HTR2C: variants seen among roughly 807,000 people sequenced by gnomAD.
HTR2C encodes 5-hydroxytryptamine receptor 2C.
Under a neutral mutation model 21.0 loss-of-function variants are expected in HTR2C, and 5 were observed. The observed-to-expected ratio is 0.24, with a 90% CI of 0.12 to 0.50. The LOEUF is 0.50. Ranked by LOEUF, HTR2C falls within the 20% of genes least tolerant of loss-of-function variation. The pLI, the probability that HTR2C is intolerant of heterozygous loss-of-function variation, is 0.98. For missense variants in HTR2C, 271 were observed against 371.2 expected, an observed-to-expected ratio of 0.73 and a Z score of 2.22; for synonymous variants, 150 against 145.3, an observed-to-expected ratio of 1.03 and a Z score of -0.23.
At chrX:114,768,476 A>G (rs1399632708) in intron 4 of HTR2C, among the ~76,000 whole-genome samples, 1 of 111,181 alleles carries the variant, frequency 9.0e-6, no homozygotes, top group African/African-American at 3.2e-5. Context: ...ACGTGTACCA[A>G]AACAAATGTT....
intron 2 of HTR2C, among the ~76,000 whole-genome samples, chrX:114,687,482 C>G (rs1344531155): frequency 9.0e-6 from 1 of 111,334 alleles, no homozygotes; most frequent in Non-Finnish European, 1.9e-5. Context: ...ATTTGTAATT[C>G]TTTTATCAAA....
chrX:114,672,039 G>A (rs1306946846), intron 2 of HTR2C, among the ~76,000 whole-genome samples: 1 of 111,264 alleles, frequency 9.0e-6, no homozygotes, highest in East Asian at 2.8e-4. Context: ...ATATTAATAT[G>A]TATCAGAAAC....
intron 4 of HTR2C, among the ~76,000 whole-genome samples, chrX:114,785,084 C>T: frequency 8.9e-6 from 1 of 112,159 alleles, no homozygotes; most frequent in Non-Finnish European, 1.9e-5. Context: ...CAACTGAGAA[C>T]ACTGACTTAA....
intron 4 of HTR2C, among the ~76,000 whole-genome samples, chrX:114,798,131 G>A (rs1251011575): frequency 9.0e-6 from 1 of 111,225 alleles, no homozygotes; most frequent in African/African-American, 3.3e-5. Flanking sequence ...TAATTAGGAA[G>A]ACAATTACTA....
chrX:114,663,789 A>G (rs190626438), intron 2 of HTR2C, among the ~76,000 whole-genome samples: 11 of 111,592 alleles, frequency 9.9e-5, no homozygotes, highest in African/African-American at 3.3e-4. Context: ...AACTGAAAGT[A>G]TAGGTAGGAT....
chrX:114,776,713 GA>G, intron 4 of HTR2C: 2 of 451,298 alleles, frequency 4.4e-6, no homozygotes, highest in Admixed American at 2.5e-5. Flanking sequence ...TTCCATGCTG[GA>G]AAACACCCAC....
chrX:114,794,650 C>T (rs1225140857), intron 4 of HTR2C, among the ~76,000 whole-genome samples: 2 of 106,222 alleles, frequency 1.9e-5, no homozygotes, highest in Non-Finnish European at 3.9e-5. Context: ...CCTTGCAATA[C>T]TTTGCTCAGA....
chrX:114,682,136 GA>G (rs1245946795), intron 2 of HTR2C, among the ~76,000 whole-genome samples: 1 of 111,000 alleles, frequency 9.0e-6, no homozygotes, highest in Non-Finnish European at 1.9e-5. Context: ...TGCATTCAGA[GA>G]AAAGGATTTA....
chrX:114,887,055 G>A lies in HTR2C; in HGVS notation c.551-19534G>A, dbSNP rs1255562576. Among the ~76,000 whole-genome samples the A allele has an allele frequency of 3.6e-5, 4 of 112,078 alleles. No individual in the cohort carries two copies. The Admixed American group carries it at 3.8e-4, about 11-fold the overall frequency. ...ATATGCATGCCATAGTAAAAAATGTGCATATTTAATTAGATGAACAAAGAC... is the reference window on the plus strand; with the variant it reads ...ATATGCATGCCATAGTAAAAAATGTACATATTTAATTAGATGAACAAAGAC... On this transcript the variant is annotated intron_variant, in intron 5 of 5. Transcript: ENST00000276198.
intron 4 of HTR2C, among the ~76,000 whole-genome samples, chrX:114,834,591 A>G (rs1602856926): frequency 9.4e-6 from 1 of 106,718 alleles, no homozygotes; most frequent in Non-Finnish European, 1.9e-5. Flanking sequence ...TTTTGAGCCT[A>G]TGTGTGTCTC....
chrX:114,850,740 C>T (rs943124437), intron 5 of HTR2C, among the ~76,000 whole-genome samples: 4 of 110,782 alleles, frequency 3.6e-5, no homozygotes, highest in East Asian at 2.8e-4. Context: ...AAATATAAAA[C>T]GTATACTGAA....
chrX:114,848,667 C>T (rs1290754239), intron 5 of HTR2C, among the ~76,000 whole-genome samples: 1 of 111,021 alleles, frequency 9.0e-6, no homozygotes, highest in Non-Finnish European at 1.9e-5. Context: ...CAATCTAAAT[C>T]ATCATCAAGT....
rs781856854 is a variant in HTR2C, at chrX:114,619,539, C to A, written c.-80+5658C>A. The stretch of plus-strand genomic sequence containing the variant: ...TCCTTGAGCACATGCTCTCTCTGAT[C>A]ACAGGGCCTTGCCAGAAATTGTGCC... On this transcript the variant is annotated intron_variant, in intron 2 of 5. Coordinates refer to ENST00000276198, the MANE Select transcript of HTR2C (RefSeq NM_000868.4). Among the ~76,000 whole-genome samples the A allele has an allele frequency of 4.5e-5, 5 of 111,515 alleles. No individual in the cohort carries two copies. The East Asian group carries it at 1.4e-3, about 32-fold the overall frequency.
chrX:114,681,316 T>G (rs1556413474), intron 2 of HTR2C, among the ~76,000 whole-genome samples: 1 of 111,487 alleles, frequency 9.0e-6, no homozygotes, highest in African/African-American at 3.3e-5. Flanking sequence ...CCTTGATCTT[T>G]GCCAGGCTTA....
intron 4 of HTR2C, chrX:114,823,462 G>A: frequency 2.9e-6 from 1 of 347,015 alleles, no homozygotes; most frequent in Non-Finnish European, 5.8e-6. Context: ...GGGCCGGGAG[G>A]TTGAACATCC....
intron 1 of HTR2C, among the ~76,000 whole-genome samples, chrX:114,603,018 G>A (rs1247719251): frequency 1.2e-4 from 13 of 110,451 alleles, no homozygotes; most frequent in African/African-American, 4.2e-4. Context: ...CTGGTGTGTG[G>A]CGATTAGGCC....
Position 114,908,387 on chromosome X carries a change from A to G in HTR2C, c.*972A>G, listed in dbSNP as rs192112110. 1.8e-5 allele frequency: 2 copies of G among 112,065 alleles called. No individual in the cohort carries two copies. Among genetic ancestry groups the G allele is most frequent in the African/African-American group, 6.5e-5 (2 of 30,816 alleles). 9.2% of individuals were successfully genotyped at this position (112,065 alleles called of 1,213,427 possible). A position where few individuals can be genotyped will look rare whatever the true frequency, so the allele number is the denominator to read the frequency against. ...TAATTATGGTACCTCTGTCTATAGGACTTAATTTAGCAGTCCATTTTTGAG... is the reference window on the plus strand; with the variant it reads ...TAATTATGGTACCTCTGTCTATAGGGCTTAATTTAGCAGTCCATTTTTGAG... On this transcript the variant is annotated 3_prime_UTR_variant, in exon 6 of 6. Coordinates refer to ENST00000276198, the MANE Select transcript of HTR2C (RefSeq NM_000868.4).
intron 1 of HTR2C, among the ~76,000 whole-genome samples, chrX:114,604,093 G>T (rs1171637432): frequency 4.6e-5 from 5 of 108,224 alleles, no homozygotes; most frequent in African/African-American, 1.7e-4. Flanking sequence ...AGATGGTAAG[G>T]GGTGCATGAT....
intron 4 of HTR2C, among the ~76,000 whole-genome samples, chrX:114,781,165 ATG>A (rs1356699654): frequency 9.0e-6 from 1 of 111,094 alleles, no homozygotes; most frequent in Non-Finnish European, 1.9e-5. Flanking sequence ...AGAGAGGGAG[ATG>A]TTGAAAACAT....
Sources: allele counts gnomAD v4.1 joint callset (sites outside exome capture counted in the v4.1 genomes callset), GRCh38; gene constraint gnomAD v4.1.1; transcripts MANE v1.5; gene names NCBI Gene and HGNC (gene_info 2026-07-23, HGNC 2026-07-21).